Variants in SLC10A6 observed in about 807,000 individuals in gnomAD.
The protein encoded by SLC10A6 is sodium-dependent organic anion transporter.
Under a neutral mutation model 30.0 loss-of-function variants are expected in SLC10A6, and 27 were observed. The observed-to-expected ratio is 0.90, with a 90% CI of 0.66 to 1.24. The LOEUF is 1.24. Ranked by LOEUF, SLC10A6 falls within the 50% of genes most tolerant of loss-of-function variation. The probability of loss-of-function intolerance (pLI) is 0.00; values close to 1 mark genes in which losing one functional copy is unlikely to be tolerated. For missense variants in SLC10A6, 439 were observed against 457.0 expected, an observed-to-expected ratio of 0.96 and a Z score of 0.36; for synonymous variants, 166 against 173.8, an observed-to-expected ratio of 0.95 and a Z score of 0.36.
At chr4:86,824,793 T>C (rs1745951454) in intron 5 of SLC10A6, among the ~76,000 whole-genome samples, 1 of 152,146 alleles carries the variant, frequency 6.6e-6, no homozygotes, top group Admixed American at 6.6e-5. Context: ...ACCCAATGTT[T>C]AGCTCCCACT....
intron 1 of SLC10A6, among the ~76,000 whole-genome samples, chr4:86,839,029 T>C (rs1016891249): frequency 6.6e-6 from 1 of 152,044 alleles, no homozygotes; most frequent in African/African-American, 2.4e-5. Flanking sequence ...TTAGATAACT[T>C]GCAAGTATTT....
At chr4:86,829,196 A>C (rs1369057160) in intron 3 of SLC10A6, among the ~76,000 whole-genome samples, 1 of 152,194 alleles carries the variant, frequency 6.6e-6, no homozygotes, top group Admixed American at 6.5e-5. Flanking sequence ...GGATCACCTG[A>C]GGTCAGGAGT....
intron 1 of SLC10A6, among the ~76,000 whole-genome samples, chr4:86,834,180 T>A (rs1292225882): frequency 6.6e-6 from 1 of 152,088 alleles, no homozygotes; most frequent in Non-Finnish European, 1.5e-5. Context: ...TCTCACTCAG[T>A]TCTTATGAGC....
At chr4:86,826,543 T>C (rs113438078) in intron 4 of SLC10A6, among the ~76,000 whole-genome samples, 21,281 of 103,396 alleles carry the variant, frequency 0.21, 1,937 homozygotes, top group African/African-American at 0.34. Context: ...GGCAACGAGG[T>C]CTCAATAAAT....
Position 86,825,332 on chromosome 4 carries a change from C to T in SLC10A6, c.919+88G>A, listed in dbSNP as rs948834732. On this transcript the variant is annotated intron_variant, in intron 5 of 5. Coordinates refer to ENST00000273905, the MANE Select transcript of SLC10A6 (RefSeq NM_197965.3). ...CAAAAAGTGTATCACAGGGGCAGCACATGCAAGTTTGGATTGAAAAAAAAG... is the reference window on the plus strand; with the variant it reads ...CAAAAAGTGTATCACAGGGGCAGCATATGCAAGTTTGGATTGAAAAAAAAG... The T allele has an allele frequency of 5.5e-6, 7 of 1,275,512 alleles. No individual in the cohort carries two copies. The African/African-American group carries it at 7.3e-5, about 13-fold the overall frequency. 79.0% of individuals were successfully genotyped at this position (1,275,512 alleles called of 1,614,324 possible). A position where few individuals can be genotyped will look rare whatever the true frequency, so the allele number is the denominator to read the frequency against.
intron 1 of SLC10A6, among the ~76,000 whole-genome samples, chr4:86,844,007 T>C (rs537586613): frequency 2.0e-5 from 3 of 151,900 alleles, no homozygotes; most frequent in African/African-American, 7.2e-5. Context: ...CGAAACCCCA[T>C]CTCTACTAAA....
intron 1 of SLC10A6, among the ~76,000 whole-genome samples, chr4:86,837,278 AGAAAGAAAAAGAAAGGAAGGAAGGAAGG>A (rs1746207961): frequency 2.8e-5 from 3 of 105,902 alleles, no homozygotes; most frequent in African/African-American, 1.3e-4. Flanking sequence ...AAAGAAAGAA[AGAAAGAAAAAGAAAGGAAGGAAGGAAGG>A]AAGGAAGGAA....
intron 1 of SLC10A6, among the ~76,000 whole-genome samples, chr4:86,837,294 G>GAGAAA (rs1746212688): frequency 5.8e-5 from 4 of 68,756 alleles, no homozygotes; most frequent in South Asian, 4.5e-4. Context: ...AAAAAGAAAG[G>GAGAAA]AAGGAAGGAA....
intron 1 of SLC10A6, among the ~76,000 whole-genome samples, chr4:86,837,036 G>A (rs1487371742): frequency 7.3e-5 from 11 of 151,646 alleles, no homozygotes. Context: ...GAGCCACCAC[G>A]CCCGGCCATA....
chr4:86,847,738 C>G (rs1002936671), intron 1 of SLC10A6, among the ~76,000 whole-genome samples: 1 of 152,186 alleles, frequency 6.6e-6, no homozygotes, highest in Non-Finnish European at 1.5e-5. Context: ...CTGATGTCAA[C>G]TCCCAGCTCA....
rs1214530429 is a variant in SLC10A6 at position 86,828,047 on chromosome 4, A to G, written c.707T>C (p.Ile236Thr). 1.2e-6 allele frequency: 2 copies of G among 1,613,956 alleles called. No individual in the cohort carries two copies. Among genetic ancestry groups the G allele is most frequent in the Non-Finnish European group, 1.7e-6 (2 of 1,179,980 alleles). The change falls in exon 4 of 6, where the codon ATT (isoleucine) becomes ACT (threonine). Residue 236 changes from isoleucine to threonine, a missense_variant. Transcript: ENST00000273905. Reference protein sequence around the residue: ...LLTISFIFPLIGHVTGFLLAL... With the variant: ...LLTISFIFPLTGHVTGFLLAL... ...CAGCAGAAAACCCGTGACATGGCCA[A>G]TCAAAGGAAAGATGAAACTGATGGT...
intron 3 of SLC10A6, 83 bp from the exon 4 acceptor site, chr4:86,828,251 T>A: frequency 6.3e-6 from 9 of 1,422,684 alleles, no homozygotes; most frequent in Non-Finnish European, 8.5e-6. Context: ...TGTAAAATGC[T>A]TGGGATCTAG....
At chr4:86,842,959 C>T (rs924861544) in intron 1 of SLC10A6, among the ~76,000 whole-genome samples, 1 of 149,486 alleles carries the variant, frequency 6.7e-6, no homozygotes, top group Non-Finnish European at 1.5e-5. Flanking sequence ...GCAACCTCTG[C>T]CTCCTGGGTC....
intron 3 of SLC10A6, among the ~76,000 whole-genome samples, chr4:86,829,524 T>C (rs1264512833): frequency 6.6e-6 from 1 of 151,730 alleles, no homozygotes; most frequent in Non-Finnish European, 1.5e-5. Context: ...CTTAAGTTTG[T>C]TCAGAAAATG....
At chr4:86,831,993 G>T in intron 2 of SLC10A6, 113 bp from the exon 3 acceptor site, 1 of 829,094 alleles carries the variant, frequency 1.2e-6, no homozygotes. Flanking sequence ...ATTTTCCCAT[G>T]CCACTTCCCA....
rs1050326408 is a variant in SLC10A6, at chr4:86,849,281, C to T, written c.-166G>A. 2 of 747,220 alleles carry T rather than the reference C, an allele frequency of 2.7e-6. No individual in the cohort carries two copies. Among genetic ancestry groups the T allele is most frequent in the African/African-American group, 3.5e-5 (2 of 56,986 alleles). 46.3% of individuals were successfully genotyped at this position (747,220 alleles called of 1,614,324 possible). A position where few individuals can be genotyped will look rare whatever the true frequency, so the allele number is the denominator to read the frequency against. ...CATCCTAATCTGATCAATTTTTTCA[C>T]AAGTGGCATTATAAAAGTAATTATC... On this transcript the variant is annotated 5_prime_UTR_variant, in exon 1 of 6. In the 5' UTR this introduces an upstream ATG that the reference lacks. Coordinates refer to ENST00000273905, the MANE Select transcript of SLC10A6 (RefSeq NM_197965.3).
intron 1 of SLC10A6, among the ~76,000 whole-genome samples, chr4:86,838,643 C>T (rs113298942): frequency 3.3e-5 from 5 of 152,174 alleles, no homozygotes; most frequent in Non-Finnish European, 7.4e-5. Flanking sequence ...GCTCTCCCAG[C>T]AGGGCATGGT....
chr4:86,849,090 G>A lies in SLC10A6; in HGVS notation c.26C>T (p.Ser9Leu), dbSNP rs1380271097. 6 of 1,613,674 alleles carry A rather than the reference G, an allele frequency of 3.7e-6. No homozygotes were observed. The highest frequency in any genetic ancestry group is 4.2e-6 in the Non-Finnish European group (5 of 1,179,860). Residue 9 changes from serine to leucine, a missense_variant, in exon 1 of 6, where the codon TCA (serine) becomes TTA (leucine). Ser to Leu is a moderately radical substitution (Grantham distance 145). Coordinates refer to ENST00000273905, the MANE Select transcript of SLC10A6 (RefSeq NM_197965.3). ...CTCTGAACTGTTGGCAGGGCAGGCT[G>A]AGCTGCTGGAACAATTGGCTCTCAT... MRANCSSS[S>L]ACPANSSEEE...
Position 86,823,815 on chromosome 4 carries a change from G to A in SLC10A6, c.1007C>T (p.Thr336Ile), listed in dbSNP as rs1745925907. Reference sequence around the variant, plus strand: ...GAAGGCATTGGTCTCTCTGGAAGAAGTCGATTTCCTCGTATGGCAGACTTC... The same window carrying A: ...GAAGGCATTGGTCTCTCTGGAAGAAATCGATTTCCTCGTATGGCAGACTTC... ...CTEVCHTRKS[T>I]SSRETNAFLE... Residue 336 changes from threonine (T) to isoleucine (I), a missense_variant, in exon 6 of 6, where the codon ACT becomes ATT. Transcript: ENST00000273905. The A allele has an allele frequency of 3.1e-6, 5 of 1,614,094 alleles. No individual in the cohort carries two copies. The highest frequency in any genetic ancestry group is 1.3e-5 in the African/African-American group (1 of 74,946).
Sources: allele counts gnomAD v4.1 joint callset (sites outside exome capture counted in the v4.1 genomes callset), GRCh38; gene constraint gnomAD v4.1.1; transcripts MANE v1.5; gene names NCBI Gene and HGNC (gene_info 2026-07-23, HGNC 2026-07-21).